Variants in PTPN11 observed in about 807,000 individuals in gnomAD.
The protein encoded by PTPN11 is protein tyrosine phosphatase non-receptor type 11, also known as tyrosine-protein phosphatase non-receptor type 11.
Under a neutral mutation model 78.8 loss-of-function variants are expected in PTPN11, and 6 were observed. That is an observed-to-expected ratio of 0.08 (90% confidence interval 0.04 to 0.15). The LOEUF (loss-of-function observed/expected upper bound fraction) is 0.15, where lower values mean the gene tolerates loss of function less well. Ranked by LOEUF, PTPN11 falls within the 10% of genes least tolerant of loss-of-function variation. PTPN11 has a pLI of 1.00. For missense variants in PTPN11, 386 were observed against 744.8 expected (o/e 0.52, Z 5.61); for synonymous variants, 221 against 263.5 (o/e 0.84, Z 1.56).
intron 3 of PTPN11, 143 bp from the exon 4 acceptor site, chr12:112,453,052 A>T: frequency 1.4e-6 from 1 of 716,754 alleles, no homozygotes; most frequent in South Asian, 1.8e-5. Flanking sequence ...TTTCTGTCTC[A>T]GGTGGGATTG....
intron 6 of PTPN11, among the ~76,000 whole-genome samples, chr12:112,464,615 G>A (rs1485117068): frequency 6.6e-6 from 1 of 152,054 alleles, no homozygotes; most frequent in Non-Finnish European, 1.5e-5. Flanking sequence ...AGTAGGGATG[G>A]GATTTCTCCA....
chr12:112,443,104 C>T (rs1157972287), intron 1 of PTPN11, among the ~76,000 whole-genome samples: 2 of 151,212 alleles, frequency 1.3e-5, no homozygotes, highest in African/African-American at 4.9e-5. Context: ...GGTTACATAA[C>T]CACAGTATAT....
At chr12:112,475,464 A>G (rs1450117966) in intron 7 of PTPN11, among the ~76,000 whole-genome samples, 1 of 152,196 alleles carries the variant, frequency 6.6e-6, no homozygotes, top group East Asian at 1.9e-4. Context: ...TATATTGCCC[A>G]GGCTGATCTC....
At chr12:112,420,064 A>G (rs2037497539) in intron 1 of PTPN11, among the ~76,000 whole-genome samples, 1 of 152,218 alleles carries the variant, frequency 6.6e-6, no homozygotes, top group Non-Finnish European at 1.5e-5. Context: ...CACAGCTAGT[A>G]GGTGGTGGAG....
At chr12:112,433,976 A>C (rs949021666) in intron 1 of PTPN11, among the ~76,000 whole-genome samples, 1 of 152,066 alleles carries the variant, frequency 6.6e-6, no homozygotes, top group East Asian at 1.9e-4. Flanking sequence ...AAAAACAAAA[A>C]CAAAACCTCC....
intron 1 of PTPN11, among the ~76,000 whole-genome samples, chr12:112,425,327 T>G (rs2135826887): frequency 6.6e-6 from 1 of 152,288 alleles, no homozygotes; most frequent in South Asian, 2.1e-4. Context: ...TGTAGCCTTT[T>G]ACTTATAATG....
chr12:112,492,220 A>G (rs1374010013), intron 13 of PTPN11, among the ~76,000 whole-genome samples: 1 of 152,154 alleles, frequency 6.6e-6, no homozygotes, highest in East Asian at 1.9e-4. Context: ...TTAGTACATC[A>G]CATCAGGTAC....
At chr12:112,456,222 T>G (rs1289366319) in intron 6 of PTPN11, among the ~76,000 whole-genome samples, 159 bp downstream of exon 6, 1 of 152,160 alleles carries the variant, frequency 6.6e-6, no homozygotes, top group Non-Finnish European at 1.5e-5. Context: ...CTGAGAGGGC[T>G]TCTTCGAAAC....
intron 2 of PTPN11, among the ~76,000 whole-genome samples, chr12:112,449,524 C>CA (rs567266475): frequency 1.1e-4 from 17 of 151,818 alleles, no homozygotes; most frequent in African/African-American, 4.1e-4. Context: ...AACAAACAAA[C>CA]AAAAAAATTG....
intron 4 of PTPN11, 70 bp downstream of exon 4, chr12:112,453,457 C>A: frequency 8.3e-7 from 1 of 1,208,302 alleles, no homozygotes; most frequent in Non-Finnish European, 1.2e-6. Context: ...TGACAGAAGA[C>A]AGACACCATT....
In PTPN11 at chr12:112,481,769, G is replaced by A. The variant is rs558816155; in HGVS notation, c.1093-305G>A. On this transcript the variant is annotated intron_variant, in intron 9 of 15. Coordinates refer to ENST00000351677, the MANE Select transcript of PTPN11 (RefSeq NM_002834.5). ...GGCCACCCGAACTGCTGGGATTACA[G>A]GCATGAGCCACTGCGCCCCAGCTGA... Among the ~76,000 whole-genome samples, 11 of 152,170 alleles carry A rather than the reference G, an allele frequency of 7.2e-5. No homozygotes were observed. The South Asian group carries it at 2.3e-3, about 32-fold the overall frequency.
chr12:112,431,416 G>C, intron 1 of PTPN11, among the ~76,000 whole-genome samples: 1 of 152,106 alleles, frequency 6.6e-6, no homozygotes, highest in East Asian at 1.9e-4. Context: ...AAAAGAAATA[G>C]ATGTGTCCTT....
rs146749153 is a variant in PTPN11 at position 112,453,192 on chromosome 12, T to C, written c.333-3T>C. ...ATTCTTTTTTATTTTTTAAAAACTT[T>C]AGGTGGTTTCATGGACATCTCTCTG... On this transcript the variant is annotated splice_polypyrimidine_tract_variant and splice_region_variant and intron_variant, in intron 3 of 15. Transcript: ENST00000351677. 92 of 1,610,936 alleles carry C rather than the reference T, an allele frequency of 5.7e-5. No homozygotes were observed. In the African/African-American group the frequency reaches 8.1e-4, roughly 14 times the overall value.
chr12:112,488,098 T>C (rs750164173), intron 11 of PTPN11, among the ~76,000 whole-genome samples: 5 of 152,114 alleles, frequency 3.3e-5, no homozygotes, highest in African/African-American at 4.8e-5. Flanking sequence ...TTCAGTAATT[T>C]TGATGTATTT....
chr12:112,476,784 A>C (rs2038511321), intron 7 of PTPN11, among the ~76,000 whole-genome samples: 1 of 151,704 alleles, frequency 6.6e-6, no homozygotes, highest in African/African-American at 2.4e-5. Context: ...ATAAATTTAA[A>C]ACAACAACAA....
chr12:112,455,753 A>G (rs1242672048), intron 5 of PTPN11, among the ~76,000 whole-genome samples, 197 bp from the exon 6 acceptor site: 1 of 152,234 alleles, frequency 6.6e-6, no homozygotes, highest in Non-Finnish European at 1.5e-5. Context: ...AAGACTGAAG[A>G]AAGATACATT....
intron 1 of PTPN11, among the ~76,000 whole-genome samples, chr12:112,442,983 A>G (rs1215393114): frequency 2.7e-5 from 4 of 148,984 alleles, no homozygotes; most frequent in African/African-American, 7.4e-5. Context: ...GTGTACATAT[A>G]TGTGTCTCTA....
Position 112,509,512 on chromosome 12 carries a change from T to C in PTPN11, c.*3720T>C, listed in dbSNP as rs886048981. 3 of 152,656 alleles carry C rather than the reference T, an allele frequency of 2.0e-5. No homozygotes were observed. The highest frequency in any genetic ancestry group is 4.4e-5 in the Non-Finnish European group (3 of 68,032). 9.5% of individuals were successfully genotyped at this position (152,656 alleles called of 1,614,324 possible). ...AGACCTACAATTAATTTTCCTGCAG[T>C]ATATGAAGTATTGTACCAGAGTATT... On this transcript the variant is annotated 3_prime_UTR_variant, in exon 16 of 16. Coordinates refer to ENST00000351677, the MANE Select transcript of PTPN11 (RefSeq NM_002834.5).
At chr12:112,440,674 A>G (rs2037873396) in intron 1 of PTPN11, among the ~76,000 whole-genome samples, 4 of 140,712 alleles carry the variant, frequency 2.8e-5, no homozygotes, top group Admixed American at 1.5e-4. Context: ...CCCGGGTTCA[A>G]GTGATTCTCC....
Sources: gnomAD v4.1 joint callset for allele counts (sites outside exome capture counted in the v4.1 genomes callset) on GRCh38, gnomAD v4.1.1 for gene constraint, MANE v1.5 for transcripts, NCBI Gene and HGNC (gene_info 2026-07-23, HGNC 2026-07-21) for gene names.